Variants in CEP70 observed in about 807,000 individuals in gnomAD.
The protein encoded by CEP70 is centrosomal protein of 70 kDa.
CEP70 carries 70 observed loss-of-function variants against 90.9 expected under a neutral mutation model. The ratio of observed to expected loss-of-function variants is 0.77; its 90% CI spans 0.64 to 0.94. The LOEUF is 0.94. Ranked by LOEUF, CEP70 falls within the 40% of genes least tolerant of loss-of-function variation. The pLI is 0.00. For synonymous variants in CEP70, 220 were observed against 228.3 expected (o/e 0.96, Z 0.33); for missense variants, 648 against 669.0 (o/e 0.97, Z 0.35).
At chr3:138,525,668 T>C (rs1262372566) in intron 10 of CEP70, 104 bp from the exon 11 acceptor site, 4 of 440,216 alleles carry the variant, frequency 9.1e-6, no homozygotes, top group South Asian at 1.4e-4. Context: ...GTCACAAATA[T>C]ACTTATTAAG....
chr3:138,555,313 C>G (rs777560004), intron 6 of CEP70, among the ~76,000 whole-genome samples: 1 of 149,782 alleles, frequency 6.7e-6, no homozygotes, highest in Non-Finnish European at 1.5e-5. Flanking sequence ...AAGACCTAAA[C>G]CATAAAAATT....
chr3:138,508,356 A>C, intron 12 of CEP70, 83 bp downstream of exon 12: 1 of 859,472 alleles, frequency 1.2e-6, no homozygotes, highest in South Asian at 1.3e-5. Flanking sequence ...TTCCTTACCA[A>C]CTGATAATTT....
At position 138,570,402 on chromosome 3, in the gene CEP70, A is replaced by AC. The variant is rs1373488351; in HGVS notation, c.380dup (p.Glu128Ter). On this transcript the variant is annotated frameshift_variant, in exon 6 of 18. Transcript: ENST00000264982. LOFTEE classifies it high-confidence loss of function. ...TACTTAGTGATTCATCCTCCAATTC[A>AC]CCAATTTTGGATTTCACACTTTCCA... The AC allele has an allele frequency of 6.2e-7, 1 of 1,608,854 alleles. No homozygotes were observed. Among genetic ancestry groups the AC allele is most frequent in the African/African-American group, 1.3e-5 (1 of 74,698 alleles).
At chr3:138,577,208 T>TG (rs2041590113) in intron 2 of CEP70, among the ~76,000 whole-genome samples, 1 of 149,874 alleles carries the variant, frequency 6.7e-6, no homozygotes, top group Admixed American at 6.6e-5. Context: ...GGTGGGGGGA[T>TG]GGGGGAGGGA....
intron 11 of CEP70, among the ~76,000 whole-genome samples, chr3:138,524,703 A>G (rs1438205695): frequency 2.6e-5 from 4 of 152,216 alleles, no homozygotes; most frequent in East Asian, 1.9e-4. Context: ...GCAAATCAAA[A>G]CCACAATGAG....
chr3:138,581,694 C>CAAA (rs35064874), intron 2 of CEP70, among the ~76,000 whole-genome samples: 25 of 79,292 alleles, frequency 3.2e-4, no homozygotes, highest in African/African-American at 7.2e-4. Context: ...AAACTTGTCT[C>CAAA]AAAAAAAAAA....
chr3:138,546,857 A>G (rs1359682295), intron 6 of CEP70, among the ~76,000 whole-genome samples: 1 of 152,222 alleles, frequency 6.6e-6, no homozygotes, highest in African/African-American at 2.4e-5. Context: ...CCTGGCCTGT[A>G]TAATACAGAC....
intron 6 of CEP70, among the ~76,000 whole-genome samples, chr3:138,566,438 A>G (rs191170864): frequency 5.3e-5 from 8 of 152,340 alleles, no homozygotes; most frequent in African/African-American, 9.6e-5. Flanking sequence ...ATGCCCATCA[A>G]TGATAGACTG....
intron 16 of CEP70, among the ~76,000 whole-genome samples, chr3:138,499,557 C>A (rs1353199342): frequency 6.6e-6 from 1 of 152,148 alleles, no homozygotes; most frequent in Non-Finnish European, 1.5e-5. Flanking sequence ...ATAGGCCTTA[C>A]AATCTATTTT....
At chr3:138,566,184 C>G (rs145599423) in intron 6 of CEP70, among the ~76,000 whole-genome samples, 4 of 151,918 alleles carry the variant, frequency 2.6e-5, no homozygotes, top group African/African-American at 9.7e-5. Flanking sequence ...TAACAGATGC[C>G]GGAGAGGATG....
At chr3:138,515,620 C>T (rs1390997609) in intron 11 of CEP70, among the ~76,000 whole-genome samples, 2 of 152,116 alleles carry the variant, frequency 1.3e-5, no homozygotes, top group Non-Finnish European at 2.9e-5. Flanking sequence ...CCACTGTGTA[C>T]ATGTCCATGA....
At chr3:138,499,598 C>G (rs1412879911) in intron 16 of CEP70, among the ~76,000 whole-genome samples, 1 of 152,152 alleles carries the variant, frequency 6.6e-6, no homozygotes, top group Non-Finnish European at 1.5e-5. Context: ...TTTCCTCCAT[C>G]CCTAAGGGTT....
At chr3:138,517,789 A>G (rs2036182376) in intron 11 of CEP70, among the ~76,000 whole-genome samples, 1 of 152,258 alleles carries the variant, frequency 6.6e-6, no homozygotes, top group Admixed American at 6.5e-5. Context: ...TGCATTTCCA[A>G]CTGAGGTACG....
chr3:138,552,137 A>G (rs968398282), intron 6 of CEP70, among the ~76,000 whole-genome samples: 1 of 152,198 alleles, frequency 6.6e-6, no homozygotes, highest in African/African-American at 2.4e-5. Flanking sequence ...AATCCTAAAT[A>G]TATATGTACC....
chr3:138,564,680 G>A (rs1295674735), intron 6 of CEP70, among the ~76,000 whole-genome samples: 3 of 151,914 alleles, frequency 2.0e-5, no homozygotes, highest in Admixed American at 2.0e-4. Context: ...ATAAACTGGG[G>A]ATTGATCGAA....
At chr3:138,523,728 T>C (rs879923795) in intron 11 of CEP70, among the ~76,000 whole-genome samples, 99 of 152,052 alleles carry the variant, frequency 6.5e-4, no homozygotes, top group Non-Finnish European at 1.3e-3. Context: ...TAAAAGAGGA[T>C]ACAAACAAAT....
intron 8 of CEP70, among the ~76,000 whole-genome samples, chr3:138,530,435 GGATT>G (rs1413029742): frequency 6.6e-6 from 1 of 152,032 alleles, no homozygotes; most frequent in Non-Finnish European, 1.5e-5. Context: ...AAGTATCAAT[GGATT>G]GATTCAGTTC....
At chr3:138,583,290 A>G (rs1312456989) in intron 2 of CEP70, among the ~76,000 whole-genome samples, 1 of 152,206 alleles carries the variant, frequency 6.6e-6, no homozygotes, top group Non-Finnish European at 1.5e-5. Context: ...TACACCCAAC[A>G]TTGGAGTACC....
chr3:138,542,363 G>C (rs1026918057), intron 6 of CEP70, among the ~76,000 whole-genome samples: 1 of 152,236 alleles, frequency 6.6e-6, no homozygotes, highest in African/African-American at 2.4e-5. Context: ...GGGTGTTAGA[G>C]TGTGTCAGAG....
Sources: gnomAD v4.1 joint callset for allele counts (sites outside exome capture counted in the v4.1 genomes callset) on GRCh38, gnomAD v4.1.1 for gene constraint, MANE v1.5 for transcripts, NCBI Gene and HGNC (gene_info 2026-07-23, HGNC 2026-07-21) for gene names.